Variants in ROBO2 observed in about 807,000 individuals in gnomAD.
ROBO2 encodes roundabout homolog 2.
Under a neutral mutation model 160.8 loss-of-function variants are expected in ROBO2, and 53 were observed. The ratio of observed to expected loss-of-function variants is 0.33; its 90% CI spans 0.26 to 0.41. ROBO2 has a LOEUF of 0.41. ROBO2 is among the 10% of genes least tolerant of loss of function. The pLI, the probability that ROBO2 is intolerant of heterozygous loss-of-function variation, is 1.00. For synonymous variants in ROBO2, 664 were observed against 611.7 expected (o/e 1.09, Z -1.26); for missense variants, 1,577 against 1,722.4 (o/e 0.92, Z 1.49).
chr3:77,006,767 TATC>T (rs1204699308), intron 2 of ROBO2, among the ~76,000 whole-genome samples: 1 of 152,000 alleles, frequency 6.6e-6, no homozygotes, highest in Non-Finnish European at 1.5e-5. Flanking sequence ...TTTAAAGTAA[TATC>T]ATAAAACTGC....
chr3:76,138,308 C>T (rs1332071162), intron 2 of ROBO2, among the ~76,000 whole-genome samples: 1 of 151,812 alleles, frequency 6.6e-6, no homozygotes, highest in African/African-American at 2.4e-5. Context: ...AAACAAGCTA[C>T]AAATATCTGG....
At chr3:76,614,539 A>G (rs2088410279) in intron 2 of ROBO2, among the ~76,000 whole-genome samples, 1 of 152,054 alleles carries the variant, frequency 6.6e-6, no homozygotes, top group Non-Finnish European at 1.5e-5. Context: ...CAGGCACAGA[A>G]ATCAAATTAT....
At chr3:77,286,269 T>C (rs1330401622) in intron 2 of ROBO2, among the ~76,000 whole-genome samples, 1 of 150,678 alleles carries the variant, frequency 6.6e-6, no homozygotes, top group African/African-American at 2.4e-5. Context: ...TTTTTTTTTT[T>C]TTTTTTGAGC....
At chr3:76,690,651 A>G (rs910896298) in intron 2 of ROBO2, among the ~76,000 whole-genome samples, 1 of 152,080 alleles carries the variant, frequency 6.6e-6, no homozygotes, top group Non-Finnish European at 1.5e-5. Context: ...TATATTTATT[A>G]TTGTATGAAT....
intron 2 of ROBO2, among the ~76,000 whole-genome samples, chr3:76,364,653 T>C (rs1437726385): frequency 6.6e-6 from 1 of 152,048 alleles, no homozygotes; most frequent in African/African-American, 2.4e-5. Flanking sequence ...TCCTAGGAAA[T>C]ATCTGATTTT....
At chr3:77,251,473 G>C (rs2090337780) in intron 2 of ROBO2, among the ~76,000 whole-genome samples, 1 of 152,088 alleles carries the variant, frequency 6.6e-6, no homozygotes, top group South Asian at 2.1e-4. Context: ...GCCCTAGCTT[G>C]CTTAGAAGAT....
At chr3:76,445,448 G>C (rs769324209) in intron 2 of ROBO2, among the ~76,000 whole-genome samples, 9 of 152,204 alleles carry the variant, frequency 5.9e-5, no homozygotes, top group South Asian at 4.2e-4. Context: ...AGCCAAGACA[G>C]CTTCAAAATA....
chr3:76,771,007 T>G (rs1231077459), intron 2 of ROBO2, among the ~76,000 whole-genome samples: 1 of 151,332 alleles, frequency 6.6e-6, no homozygotes, highest in Non-Finnish European at 1.5e-5. Context: ...AAATTTATGA[T>G]ACTGAGATGT....
chr3:77,080,318 A>G lies in ROBO2; in HGVS notation c.62-17696A>G, dbSNP rs560986095. Among the ~76,000 whole-genome samples, 5 of 152,210 alleles carry G rather than the reference A, an allele frequency of 3.3e-5. No homozygotes were observed. In the South Asian group the frequency reaches 1.0e-3, roughly 32 times the overall value. On this transcript the variant is annotated intron_variant, in intron 1 of 25. Transcript: ENST00000461745. ...AGGCATCTGCTTGGTTAATTTTGAG[A>G]GCAAATTTACCAGATGGAGGCTGAA...
At chr3:77,213,036 CT>C (rs553686309) in intron 2 of ROBO2, among the ~76,000 whole-genome samples, 1 of 151,736 alleles carries the variant, frequency 6.6e-6, no homozygotes, top group Non-Finnish European at 1.5e-5. Flanking sequence ...CTAAAATTCT[CT>C]TTTTTTTGTT....
At chr3:77,478,158 C>T (rs1415376632) in intron 3 of ROBO2, among the ~76,000 whole-genome samples, 1 of 152,090 alleles carries the variant, frequency 6.6e-6, no homozygotes, top group East Asian at 1.9e-4. Context: ...TCTCCAGAAG[C>T]TTCTGTTGAT....
At chr3:76,206,626 C>A (rs571319597) in intron 2 of ROBO2, among the ~76,000 whole-genome samples, 1 of 152,246 alleles carries the variant, frequency 6.6e-6, no homozygotes, top group South Asian at 2.1e-4. Flanking sequence ...GTTCCGAGAG[C>A]CCCCTTCACC....
intron 2 of ROBO2, among the ~76,000 whole-genome samples, chr3:76,775,848 G>C (rs984207059): frequency 6.6e-6 from 1 of 150,620 alleles, no homozygotes; most frequent in Admixed American, 6.6e-5. Flanking sequence ...TATCACTATA[G>C]CATATTAAGT....
At chr3:76,534,878 A>T (rs2082410524) in intron 2 of ROBO2, among the ~76,000 whole-genome samples, 2 of 152,086 alleles carry the variant, frequency 1.3e-5, no homozygotes, top group Non-Finnish European at 2.9e-5. Flanking sequence ...TTAAGGATGG[A>T]TTTCCATGAT....
chr3:77,205,956 G>A lies in ROBO2; in HGVS notation c.388+107616G>A, dbSNP rs79237388. Among the ~76,000 whole-genome samples, 659 of 152,090 alleles carry A rather than the reference G, an allele frequency of 4.3e-3. 4 individuals carry two copies. The highest frequency in any genetic ancestry group is 0.015 in the African/African-American group (613 of 41,512). Reference sequence around the variant, plus strand: ...CAGAAATGCATTATCTTACAGTTTTGGGGGACTGGAAATTTGAAATCAAGG... The same window carrying A: ...CAGAAATGCATTATCTTACAGTTTTAGGGGACTGGAAATTTGAAATCAAGG... On this transcript the variant is annotated intron_variant, in intron 2 of 25. Coordinates refer to ENST00000461745, the Ensembl canonical transcript of ROBO2.
chr3:76,949,358 G>C (rs1045960481), intron 2 of ROBO2, among the ~76,000 whole-genome samples: 1 of 152,124 alleles, frequency 6.6e-6, no homozygotes, highest in African/African-American at 2.4e-5. Flanking sequence ...CATGCGGACT[G>C]TGTCAACAAC....
intron 2 of ROBO2, among the ~76,000 whole-genome samples, chr3:77,352,217 C>A (rs2068448688): frequency 6.8e-6 from 1 of 147,596 alleles, no homozygotes. Context: ...ATGATTTATG[C>A]TCTCTCTTTT....
chr3:76,982,908 T>A (rs1037238466), intron 2 of ROBO2, among the ~76,000 whole-genome samples: 4 of 152,196 alleles, frequency 2.6e-5, no homozygotes, highest in Non-Finnish European at 2.9e-5. Context: ...TAATAATTCA[T>A]ACATGAACAA....
intron 2 of ROBO2, among the ~76,000 whole-genome samples, chr3:76,496,784 A>G (rs368064970): frequency 6.6e-6 from 1 of 152,170 alleles, no homozygotes; most frequent in South Asian, 2.1e-4. Flanking sequence ...CATTTTACCT[A>G]TTTTCCAGAT....
Sources: gnomAD v4.1 joint callset for allele counts (sites outside exome capture counted in the v4.1 genomes callset) on GRCh38, gnomAD v4.1.1 for gene constraint, MANE v1.5 for transcripts, NCBI Gene and HGNC (gene_info 2026-07-23, HGNC 2026-07-21) for gene names.